Variants in TUBGCP5 observed in about 807,000 individuals in gnomAD.
TUBGCP5 encodes tubulin gamma complex component 5, also known as gamma-tubulin complex component 5.
TUBGCP5 carries 98 observed loss-of-function variants against 134.7 expected under a neutral mutation model. The ratio of observed to expected loss-of-function variants is 0.73; its 90% confidence interval spans 0.62 to 0.86. The LOEUF (loss-of-function observed/expected upper bound fraction) is 0.86. Ranked by LOEUF, TUBGCP5 falls within the 40% of genes least tolerant of loss-of-function variation. The pLI, the probability that TUBGCP5 is intolerant of heterozygous loss-of-function variation, is 0.00. For synonymous variants in TUBGCP5, 456 were observed against 431.4 expected (o/e 1.06, Z -0.71); for missense variants, 1,150 against 1,244.8 (o/e 0.92, Z 1.15).
intron 23 of TUBGCP5, among the ~76,000 whole-genome samples, chr15:22,988,757 TTTTGTTG>T (rs750813487): frequency 2.0e-5 from 3 of 151,766 alleles, no homozygotes; most frequent in Non-Finnish European, 2.9e-5. Context: ...AAATCTGTTT[TTTTGTTG>T]TTTGTTGTTT....
At chr15:23,005,152 T>C (rs1312530211) in intron 19 of TUBGCP5, among the ~76,000 whole-genome samples, 1 of 152,120 alleles carries the variant, frequency 6.6e-6, no homozygotes, top group Non-Finnish European at 1.5e-5. Flanking sequence ...TAAAGGACTA[T>C]GCGGCACATT....
Position 23,013,323 on chromosome 15 carries a change from T to C in TUBGCP5, c.1757-1992A>G, listed in dbSNP as rs1370906367. On this transcript the variant is annotated intron_variant, in intron 13 of 22. Coordinates refer to ENST00000615383, the MANE Select transcript of TUBGCP5 (RefSeq NM_052903.6). This position sits in a 1 kb window ranked among gnomAD's most constrained non-coding sequence, Gnocchi z 4.5. ...AAAAAATTAGCCGGGCACGGTGGTG[T>C]GCGCCTGTAGTCCCAGCTGCTGGGG... 6.6e-6 allele frequency among the ~76,000 whole-genome samples: 1 copy of C among 151,590 alleles called. No homozygotes were observed. The highest frequency in any genetic ancestry group is 1.5e-5 in the Non-Finnish European group (1 of 67,890).
In TUBGCP5 at chr15:23,030,998, T is replaced by C. The variant is rs1160996742; in HGVS notation, c.509A>G (p.Glu170Gly). Residue 170 changes from glutamate to glycine, a missense_variant, in exon 6 of 23, where the codon GAG becomes GGG. This residue lies in a region of TUBGCP5 where 453 missense variants were observed against 394.7 expected (regional missense o/e 1.15). Coordinates refer to ENST00000615383, the MANE Select transcript of TUBGCP5 (RefSeq NM_052903.6). The stretch of plus-strand genomic sequence containing the variant: ...GCTTAAGGGCTGTTGATCATTTTCC[T>C]CTTCACTTTCTTCAGACCAATTCTG... ...DTPNWSEESE[E>G]ENDQQPLSRE... is the part of the protein sequence containing the mutation. 1.2e-6 allele frequency: 2 copies of C among 1,612,830 alleles called. No individual in the cohort carries two copies. The highest frequency in any genetic ancestry group is 2.2e-5 in the East Asian group (1 of 44,848).
rs2065579391 is a variant in TUBGCP5, at chr15:23,020,037, G to A, written c.1372-703C>T. On this transcript the variant is annotated intron_variant, in intron 11 of 22. Coordinates refer to ENST00000615383, the MANE Select transcript of TUBGCP5 (RefSeq NM_052903.6). ...CTCACGCCTGTAACCCCAGCACTTTGGGAGGCTGAGGTGGGCAGATCACAA... is the reference window on the plus strand; with the variant it reads ...CTCACGCCTGTAACCCCAGCACTTTAGGAGGCTGAGGTGGGCAGATCACAA... Among the ~76,000 whole-genome samples, 3 of 151,838 alleles carry A rather than the reference G, an allele frequency of 2.0e-5. No homozygotes were observed. The South Asian group carries it at 6.2e-4, about 32-fold the overall frequency.
At chr15:22,996,311 G>A (rs2064077816), downstream of TUBGCP5, among the ~76,000 whole-genome samples, 1 of 151,740 alleles carries the variant, frequency 6.6e-6, no homozygotes, top group Admixed American at 6.6e-5. Context: ...GGTTTAATTG[G>A]CCATTTTTGT....
At chr15:22,984,980 G>C (rs1353375101) in intron 23 of TUBGCP5, among the ~76,000 whole-genome samples, 1 of 152,064 alleles carries the variant, frequency 6.6e-6, no homozygotes, top group Non-Finnish European at 1.5e-5. Context: ...ACATATAACA[G>C]ACAGAGAGTT....
chr15:23,006,851 G>A (rs2064744159), intron 16 of TUBGCP5, among the ~76,000 whole-genome samples: 1 of 152,172 alleles, frequency 6.6e-6, no homozygotes, highest in African/African-American at 2.4e-5. Context: ...GACTCACAGA[G>A]GAAAGCAAGC....
chr15:23,029,120 C>T (rs779457214), intron 6 of TUBGCP5, among the ~76,000 whole-genome samples: 20 of 152,082 alleles, frequency 1.3e-4, no homozygotes, highest in African/African-American at 1.9e-4. Flanking sequence ...TAAAAAATTA[C>T]GATAAATGTA....
rs762724715 is a variant in TUBGCP5, at chr15:23,004,231, G to A, written c.2713-4C>T. On this transcript the variant is annotated splice_polypyrimidine_tract_variant and splice_region_variant and intron_variant, in intron 19 of 22. Transcript: ENST00000615383. ...CCAGCCCTGTACTGTGTAGAATCTT[G>A]GAAGAGAAAGATAAAAAGCTTCATC... The A allele has an allele frequency of 2.2e-5, 35 of 1,602,426 alleles. No homozygotes were observed. Among genetic ancestry groups the A allele is most frequent in the Admixed American group, 1.6e-4 (9 of 56,638 alleles).
chr15:23,007,916 C>T (rs2064819534), intron 16 of TUBGCP5, among the ~76,000 whole-genome samples: 1 of 152,002 alleles, frequency 6.6e-6, no homozygotes, highest in South Asian at 2.1e-4. Context: ...ACACAGAGGT[C>T]ATTGGGGAGT....
intron 23 of TUBGCP5, among the ~76,000 whole-genome samples, chr15:22,990,259 CTCCTCTTCCAT>C (rs996783565): frequency 6.6e-6 from 1 of 150,670 alleles, no homozygotes; most frequent in African/African-American, 2.4e-5. Flanking sequence ...TCCTCTTCCC[CTCCTCTTCCAT>C]CTCTCTCCTC....
At chr15:23,035,998 T>C (rs1160167384) in intron 3 of TUBGCP5, among the ~76,000 whole-genome samples, 3 of 151,700 alleles carry the variant, frequency 2.0e-5, no homozygotes, top group Non-Finnish European at 2.9e-5. Flanking sequence ...AGTGCCTGAG[T>C]TTAATATTAA....
chr15:23,005,989 CCT>C, intron 18 of TUBGCP5, 61 bp downstream of exon 18: 1 of 1,487,662 alleles, frequency 6.7e-7, no homozygotes, highest in African/African-American at 1.4e-5. Flanking sequence ...TTCCCATTAA[CCT>C]CTTTTATTAA....
intron 23 of TUBGCP5, among the ~76,000 whole-genome samples, chr15:22,987,944 T>C (rs1197721816): frequency 6.8e-6 from 1 of 147,824 alleles, no homozygotes; most frequent in East Asian, 2.0e-4. Flanking sequence ...AGAACAGCCT[T>C]GTCCTTTCTG....
chr15:22,993,583 C>T lies in TUBGCP5; in HGVS notation c.*61+3262G>A, dbSNP rs539124465. 6.1e-5 allele frequency among the ~76,000 whole-genome samples: 8 copies of T among 131,222 alleles called. No homozygotes were observed. In the East Asian group the frequency reaches 1.0e-3, roughly 16 times the overall value. The allele number at this position is 131,222 out of a possible 152,430, so 86.1% of individuals were successfully genotyped here. On this transcript the variant is annotated intron_variant and NMD_transcript_variant, in intron 23 of 23. Transcript: ENST00000614508. ...AATATGAGACGGAGTCTCGCTCTGT[C>T]GCCCAGGCTGGAGTGTAATGGTGCG...
chr15:22,992,859 CCAAA>C (rs897887618), intron 23 of TUBGCP5, among the ~76,000 whole-genome samples: 6 of 151,954 alleles, frequency 3.9e-5, no homozygotes, highest in African/African-American at 9.7e-5. Flanking sequence ...ATGAGATTTT[CCAAA>C]CAAAGTATTC....
rs191261655 is a variant in TUBGCP5 at position 22,985,212 on chromosome 15, T to C, written c.*62-1601A>G. Among the ~76,000 whole-genome samples the C allele has an allele frequency of 6.5e-3, 961 of 147,588 alleles. 31 individuals are homozygous for C. The South Asian group carries it at 0.082, about 13-fold the overall frequency. Reference sequence around the variant, plus strand: ...AAAACTTGTATAATTAATAGTCTTTTGTTTTTTCTTTTTTGTTTTTTTTGA... The same window carrying C: ...AAAACTTGTATAATTAATAGTCTTTCGTTTTTTCTTTTTTGTTTTTTTTGA... On this transcript the variant is annotated intron_variant and NMD_transcript_variant, in intron 23 of 23. Coordinates refer to the TUBGCP5 transcript ENST00000614508.
chr15:22,990,959 GGCCCTATT>G (rs1174723675), intron 23 of TUBGCP5, among the ~76,000 whole-genome samples: 1 of 152,144 alleles, frequency 6.6e-6, no homozygotes, highest in Non-Finnish European at 1.5e-5. Flanking sequence ...GCGCGGCCAT[GGCCCTATT>G]GCTCCCTTGA....
At chr15:22,991,713 G>C (rs2063852510) in intron 23 of TUBGCP5, among the ~76,000 whole-genome samples, 1 of 152,202 alleles carries the variant, frequency 6.6e-6, no homozygotes, top group African/African-American at 2.4e-5. Flanking sequence ...AAAAGTTTGA[G>C]GATGGGCCAC....
Sources: gnomAD v4.1 joint callset for allele counts (sites outside exome capture counted in the v4.1 genomes callset) on GRCh38, gnomAD v4.1.1 for gene constraint, gnomAD v4.1.1 regional missense constraint, Gnocchi (gnomAD v3.1) non-coding constraint, MANE v1.5 for transcripts, NCBI Gene and HGNC (gene_info 2026-07-23, HGNC 2026-07-21) for gene names.